Variants in BCAT1 observed in about 807,000 individuals in gnomAD.
BCAT1 encodes branched-chain-amino-acid aminotransferase, cytosolic.
BCAT1 carries 48 observed loss-of-function variants against 52.4 expected under a neutral mutation model. That is an observed-to-expected ratio of 0.92 (90% CI 0.73 to 1.16). The LOEUF is 1.16. Among genes scored for constraint, BCAT1 ranks in the 50% most tolerant of loss-of-function variants. The probability of loss-of-function intolerance (pLI) is 0.00; values close to 1 mark genes in which losing one functional copy is unlikely to be tolerated. For synonymous variants in BCAT1, 167 were observed against 161.3 expected, an observed-to-expected ratio of 1.04 and a Z score of -0.27; for missense variants, 451 against 457.1, an observed-to-expected ratio of 0.99 and a Z score of 0.12.
intron 5 of BCAT1, among the ~76,000 whole-genome samples, chr12:24,861,770 C>A (rs1399534550): frequency 1.3e-5 from 2 of 152,156 alleles, no homozygotes; most frequent in Non-Finnish European, 2.9e-5. Flanking sequence ...CCTAAGAGGT[C>A]AGGCATTCTT....
At chr12:24,898,023 T>TA (rs1336993370) in intron 2 of BCAT1, among the ~76,000 whole-genome samples, 2 of 152,128 alleles carry the variant, frequency 1.3e-5, no homozygotes, top group Non-Finnish European at 2.9e-5. Context: ...GGTGATAGAA[T>TA]TGAATAAAGT....
chr12:24,836,855 A>G (rs530215559), intron 7 of BCAT1, among the ~76,000 whole-genome samples: 3 of 106,868 alleles, frequency 2.8e-5, no homozygotes, highest in African/African-American at 1.0e-4. Context: ...AGAGAAAGAA[A>G]GGAAGGAAGG....
rs1488770802 is a variant in BCAT1 at position 24,926,447 on chromosome 12, G to A, written c.6+22480C>T. ...AGCCCCTCTGCCCGGCCGCCACCCC[G>A]TCTGGGAGGTGTACCCAACAGCTCA... On this transcript the variant is annotated intron_variant, in intron 1 of 10. Coordinates refer to ENST00000261192, the MANE Select transcript of BCAT1 (RefSeq NM_005504.7). 1.6e-4 allele frequency among the ~76,000 whole-genome samples: 25 copies of A among 152,290 alleles called. No individual in the cohort carries two copies. In the East Asian group the frequency reaches 3.3e-3, roughly 20 times the overall value.
intron 1 of BCAT1, among the ~76,000 whole-genome samples, chr12:24,944,822 T>C (rs1003805607): frequency 1.3e-5 from 2 of 152,266 alleles, no homozygotes; most frequent in African/African-American, 4.8e-5. Context: ...TGACTTCAGT[T>C]TATTACTTGT....
At chr12:24,930,834 G>A (rs1445112071) in intron 1 of BCAT1, among the ~76,000 whole-genome samples, 1 of 149,986 alleles carries the variant, frequency 6.7e-6, no homozygotes, top group Non-Finnish European at 1.5e-5. Context: ...TGTCAAACGT[G>A]TTTGGAATTT....
chr12:24,867,229 G>C (rs1942046087), intron 5 of BCAT1, among the ~76,000 whole-genome samples: 1 of 151,846 alleles, frequency 6.6e-6, no homozygotes, highest in Non-Finnish European at 1.5e-5. Flanking sequence ...ACACCTTTAA[G>C]AACTGTAACA....
chr12:24,897,878 T>C (rs1212908279), intron 2 of BCAT1, among the ~76,000 whole-genome samples: 2 of 152,056 alleles, frequency 1.3e-5, no homozygotes, highest in East Asian at 3.8e-4. Context: ...CAAAGTAATA[T>C]ACGATTAGGT....
chr12:24,840,491 T>C (rs923465877), intron 7 of BCAT1, among the ~76,000 whole-genome samples: 1 of 152,194 alleles, frequency 6.6e-6, no homozygotes, highest in Admixed American at 6.5e-5. Flanking sequence ...AATATTCCTG[T>C]ATAAATTTTA....
At chr12:24,926,064 T>G (rs1193136723) in intron 1 of BCAT1, among the ~76,000 whole-genome samples, 1 of 151,950 alleles carries the variant, frequency 6.6e-6, no homozygotes, top group Non-Finnish European at 1.5e-5. Flanking sequence ...GTCTGGGATG[T>G]GAGGAGCCCC....
At chr12:24,934,676 C>A (rs1943727015) in intron 1 of BCAT1, among the ~76,000 whole-genome samples, 1 of 152,168 alleles carries the variant, frequency 6.6e-6, no homozygotes, top group Middle Eastern at 3.2e-3. Context: ...CCTCAGCCTC[C>A]CAAGTAGCTG....
chr12:24,943,804 G>A (rs1943889412), intron 1 of BCAT1, among the ~76,000 whole-genome samples: 1 of 151,780 alleles, frequency 6.6e-6, no homozygotes, highest in East Asian at 1.9e-4. Context: ...CTAACATGGT[G>A]AAACCCCGTC....
intron 1 of BCAT1, among the ~76,000 whole-genome samples, chr12:24,946,201 C>G (rs1943930704): frequency 6.6e-6 from 1 of 152,170 alleles, no homozygotes. Flanking sequence ...ATAAGCCCAG[C>G]CCTCTCAGTT....
chr12:24,936,563 G>A (rs978965792), intron 1 of BCAT1, among the ~76,000 whole-genome samples: 2 of 152,172 alleles, frequency 1.3e-5, no homozygotes, highest in Admixed American at 6.6e-5. Context: ...GGTTCTGGAA[G>A]TTCCAAATCA....
intron 3 of BCAT1, among the ~76,000 whole-genome samples, chr12:24,888,412 T>A (rs1942743481): frequency 6.6e-6 from 1 of 151,980 alleles, no homozygotes; most frequent in Admixed American, 6.6e-5. Flanking sequence ...GGGAGGAGAA[T>A]CTGTTGAAGC....
At chr12:24,872,077 A>C (rs1942197616) in intron 5 of BCAT1, among the ~76,000 whole-genome samples, 1 of 152,224 alleles carries the variant, frequency 6.6e-6, no homozygotes, top group South Asian at 2.1e-4. Flanking sequence ...AATCTTTCAG[A>C]TTCTTCTGTT....
chr12:24,896,289 G>A (rs1358672784), intron 2 of BCAT1, among the ~76,000 whole-genome samples: 2 of 152,132 alleles, frequency 1.3e-5, no homozygotes, highest in Non-Finnish European at 2.9e-5. Context: ...GTTGTCCTCT[G>A]GACTAGGTAG....
chr12:24,847,417 A>G (rs1338705351), intron 6 of BCAT1, among the ~76,000 whole-genome samples: 1 of 152,230 alleles, frequency 6.6e-6, no homozygotes, highest in Non-Finnish European at 1.5e-5. Context: ...TTCCTGGTGT[A>G]CATTCTATGG....
intron 1 of BCAT1, among the ~76,000 whole-genome samples, chr12:24,928,905 T>A (rs12818883): frequency 0.16 from 24,400 of 151,854 alleles, 2,486 homozygotes; most frequent in Non-Finnish European, 0.23. Context: ...CGGCTAATTT[T>A]TTTTATTTTA....
intron 5 of BCAT1, among the ~76,000 whole-genome samples, chr12:24,871,958 T>C (rs897864538): frequency 1.3e-5 from 2 of 152,192 alleles, no homozygotes; most frequent in African/African-American, 2.4e-5. Flanking sequence ...GTGGAATATA[T>C]ATATATGTAT....
Sources: gnomAD v4.1 joint callset for allele counts (sites outside exome capture counted in the v4.1 genomes callset) on GRCh38, gnomAD v4.1.1 for gene constraint, MANE v1.5 for transcripts, NCBI Gene and HGNC (gene_info 2026-07-23, HGNC 2026-07-21) for gene names.